NDST3: variants seen among roughly 807,000 people sequenced by gnomAD.
NDST3 encodes the protein N-deacetylase and N-sulfotransferase 3.
Under a neutral mutation model 96.1 loss-of-function variants are expected in NDST3, and 58 were observed. The observed-to-expected ratio is 0.60, with a 90% CI of 0.49 to 0.75. The LOEUF (loss-of-function observed/expected upper bound fraction) is 0.75, where lower values mean the gene tolerates loss of function less well. Among genes scored for constraint, NDST3 ranks in the 30% least tolerant of loss-of-function variants. NDST3 has a pLI of 0.00. For missense variants in NDST3, 788 were observed against 1,034.2 expected, an observed-to-expected ratio of 0.76 and a Z score of 3.27; for synonymous variants, 333 against 359.7, an observed-to-expected ratio of 0.93 and a Z score of 0.84.
intron 6 of NDST3, among the ~76,000 whole-genome samples, chr4:118,195,680 C>A (rs1217782876): frequency 6.6e-6 from 1 of 152,200 alleles, no homozygotes; most frequent in Non-Finnish European, 1.5e-5. Context: ...TATACAAATG[C>A]TACTGATTTT....
At chr4:118,076,679 C>G (rs1170322888) in intron 2 of NDST3, among the ~76,000 whole-genome samples, 1 of 152,030 alleles carries the variant, frequency 6.6e-6, no homozygotes, top group Non-Finnish European at 1.5e-5. Context: ...GCTGTTTTAT[C>G]TTTTGGATCC....
Position 118,035,485 on chromosome 4 carries a change from G to T in NDST3, c.-156+893G>T, listed in dbSNP as rs868417601. ...AAAATTTCATGTTATCAACTACTGAGCAATGCTGTTCACCACCAGAGAGCA... is the reference window on the plus strand; with the variant it reads ...AAAATTTCATGTTATCAACTACTGATCAATGCTGTTCACCACCAGAGAGCA... On this transcript the variant is annotated intron_variant, in intron 1 of 13. Coordinates refer to ENST00000296499, the MANE Select transcript of NDST3 (RefSeq NM_004784.3). Among the ~76,000 whole-genome samples, 3 of 148,724 alleles carry T rather than the reference G, an allele frequency of 2.0e-5. No individual in the cohort carries two copies. The South Asian group carries it at 6.3e-4, about 31-fold the overall frequency.
chr4:118,219,953 CATA>C (rs929980602), intron 6 of NDST3, among the ~76,000 whole-genome samples: 32 of 151,810 alleles, frequency 2.1e-4, no homozygotes, highest in African/African-American at 7.5e-4. Flanking sequence ...AAATCAAAAC[CATA>C]ATGAGATACC....
Position 118,076,737 on chromosome 4 carries a change from T to C in NDST3, c.981+21846T>C, listed in dbSNP as rs28776305. Among the ~76,000 whole-genome samples the C allele has an allele frequency of 6.4e-3, 970 of 152,298 alleles. 11 individuals are homozygous for C. Among genetic ancestry groups the C allele is most frequent in the African/African-American group, 0.022 (911 of 41,560 alleles). ...TAGAGTTTTTGGATTCAGTTTCTAC[T>C]TTCTTTTGAATCTCAATGATCTTCA... On this transcript the variant is annotated intron_variant, in intron 2 of 13. Coordinates refer to ENST00000296499, the MANE Select transcript of NDST3 (RefSeq NM_004784.3).
At chr4:118,081,526 C>T (rs1728017178) in intron 2 of NDST3, among the ~76,000 whole-genome samples, 1 of 152,080 alleles carries the variant, frequency 6.6e-6, no homozygotes, top group South Asian at 2.1e-4. Context: ...ATATGTGTGA[C>T]AAGATCCTTC....
chr4:118,035,362 A>C (rs1055727198), intron 1 of NDST3, among the ~76,000 whole-genome samples: 1 of 151,990 alleles, frequency 6.6e-6, no homozygotes, highest in African/African-American at 2.4e-5. Flanking sequence ...TACATTCTTA[A>C]TACATTTGTA....
chr4:118,105,707 T>C (rs1477476224), intron 3 of NDST3, among the ~76,000 whole-genome samples: 1 of 152,218 alleles, frequency 6.6e-6, no homozygotes, highest in East Asian at 1.9e-4. Flanking sequence ...TCCATTAAGC[T>C]GTAGATGGTT....
At chr4:118,053,664 A>G in intron 1 of NDST3, 92 bp from the exon 2 acceptor site, 2 of 393,614 alleles carry the variant, frequency 5.1e-6, no homozygotes, top group Non-Finnish European at 9.1e-6. Flanking sequence ...TCATCTGCCA[A>G]GTACTCTGCC....
chr4:118,098,447 T>G (rs796192660), intron 2 of NDST3, among the ~76,000 whole-genome samples: 13 of 152,120 alleles, frequency 8.5e-5, no homozygotes, highest in African/African-American at 3.1e-4. Flanking sequence ...AGCATATGCA[T>G]AACAATTTCA....
intron 13 of NDST3, 124 bp from the exon 14 acceptor site, chr4:118,255,469 C>A: frequency 8.1e-6 from 8 of 987,976 alleles, no homozygotes; most frequent in Non-Finnish European, 1.2e-5. Flanking sequence ...AATAAATAGT[C>A]CATATGCTTA....
chr4:118,201,324 T>C (rs1418517221), intron 6 of NDST3, among the ~76,000 whole-genome samples: 3 of 152,230 alleles, frequency 2.0e-5, no homozygotes, highest in Non-Finnish European at 2.9e-5. Flanking sequence ...CTGAGATGAA[T>C]GGTAGCCCTG....
chr4:118,051,860 C>A (rs1725099328), intron 1 of NDST3, among the ~76,000 whole-genome samples: 1 of 151,904 alleles, frequency 6.6e-6, no homozygotes, highest in African/African-American at 2.4e-5. Flanking sequence ...GTCAGAATGG[C>A]AATTAGTAAG....
At chr4:118,064,765 A>T (rs1404504627) in intron 2 of NDST3, among the ~76,000 whole-genome samples, 1 of 152,164 alleles carries the variant, frequency 6.6e-6, no homozygotes, top group Non-Finnish European at 1.5e-5. Flanking sequence ...GTCATTTTGC[A>T]TTTCTGAAGG....
chr4:118,114,774 GA>G, intron 3 of NDST3, 31 bp from the exon 4 acceptor site: 1 of 1,566,520 alleles, frequency 6.4e-7, no homozygotes, highest in South Asian at 1.1e-5. Context: ...AGTGTAACTG[GA>G]ATTAATTGGA....
chr4:118,135,837 C>T (rs1733038398), intron 4 of NDST3, among the ~76,000 whole-genome samples: 1 of 152,110 alleles, frequency 6.6e-6, no homozygotes, highest in Non-Finnish European at 1.5e-5. Context: ...ATGATCACCA[C>T]CACTGTACAC....
At chr4:118,108,714 G>A (rs571968140) in intron 3 of NDST3, among the ~76,000 whole-genome samples, 1 of 152,220 alleles carries the variant, frequency 6.6e-6, no homozygotes, top group African/African-American at 2.4e-5. Context: ...GTAAAATTGT[G>A]TAATGAATAC....
At chr4:118,148,257 C>A (rs1454191523) in intron 6 of NDST3, among the ~76,000 whole-genome samples, 1 of 152,152 alleles carries the variant, frequency 6.6e-6, no homozygotes, top group East Asian at 1.9e-4. Flanking sequence ...AAGATCACGC[C>A]ACTGCACTCC....
chr4:118,145,993 T>C (rs1004713625), intron 6 of NDST3, among the ~76,000 whole-genome samples: 1 of 152,150 alleles, frequency 6.6e-6, no homozygotes, highest in African/African-American at 2.4e-5. Context: ...CTATAATTAG[T>C]TAGTGATGTC....
intron 2 of NDST3, among the ~76,000 whole-genome samples, chr4:118,081,566 T>C (rs180685403): frequency 6.2e-4 from 95 of 152,278 alleles, no homozygotes; most frequent in African/African-American, 2.2e-3. Flanking sequence ...TCTTACACTG[T>C]AGTAATTTGC....
Sources: gnomAD v4.1 joint callset for allele counts (sites outside exome capture counted in the v4.1 genomes callset) on GRCh38, gnomAD v4.1.1 for gene constraint, MANE v1.5 for transcripts, NCBI Gene and HGNC (gene_info 2026-07-23, HGNC 2026-07-21) for gene names.